Variants in ETFB observed in about 807,000 individuals in gnomAD.
ETFB encodes the protein beta-ETF.
Under a neutral mutation model 25.6 loss-of-function variants are expected in ETFB, and 20 were observed. That is an observed-to-expected ratio of 0.78 (90% CI 0.55 to 1.14). The LOEUF (loss-of-function observed/expected upper bound fraction) is 1.14, where lower values mean the gene tolerates loss of function less well. ETFB is among the 50% of genes most tolerant of loss of function. The pLI is 0.00. For missense variants in ETFB, 286 were observed against 342.6 expected (o/e 0.83, Z 1.30); for synonymous variants, 142 against 146.7 (o/e 0.97, Z 0.23).
chr19:51,357,797 G>A (rs1295456872), intron 1 of ETFB, among the ~76,000 whole-genome samples: 1 of 152,134 alleles, frequency 6.6e-6, no homozygotes, highest in Non-Finnish European at 1.5e-5. Context: ...GGCCCAACCT[G>A]AGTTTTTATA....
intron 4 of ETFB, among the ~76,000 whole-genome samples, chr19:51,349,199 TATG>T (rs1299050320): frequency 6.6e-6 from 1 of 152,242 alleles, no homozygotes; most frequent in East Asian, 1.9e-4. Flanking sequence ...TGGGCTCAGC[TATG>T]ATATTTGGTA....
intron 3 of ETFB, among the ~76,000 whole-genome samples, chr19:51,351,358 A>G (rs1382225094): frequency 6.6e-6 from 1 of 152,192 alleles, no homozygotes; most frequent in Middle Eastern, 3.2e-3. Context: ...CTCATATGTG[A>G]CCCTGGATCA....
At chr19:51,358,278 C>T (rs186321457) in intron 1 of ETFB, among the ~76,000 whole-genome samples, 32 of 152,260 alleles carry the variant, frequency 2.1e-4, no homozygotes, top group Admixed American at 2.0e-3. Flanking sequence ...GTAACTGTTC[C>T]TCCCACAGGC....
At position 51,354,249 on chromosome 19, in the gene ETFB, G is replaced by T; in HGVS notation, c.117C>A (p.Asn39Lys). Residue 39 changes from asparagine to lysine, a missense_variant, in exon 2 of 6, where the codon AAC becomes AAA. Transcript: ENST00000309244. ...VVTDGVKHSM[N>K]PFCEIAVEEA... is the part of the protein sequence containing the mutation. ...CCTCCACCGCGATCTCACAGAAGGG[G>T]TTCATGGAGTGCTTCACACCATCCG... 1 of 1,614,194 alleles carries T rather than the reference G, an allele frequency of 6.2e-7. No individual in the cohort carries two copies. The highest frequency in any genetic ancestry group is 1.1e-5 in the South Asian group (1 of 91,080).
intron 1 of ETFB, chr19:51,356,701 C>G (rs1169954290): frequency 6.6e-6 from 1 of 152,172 alleles, no homozygotes; most frequent in Non-Finnish European, 1.5e-5. Flanking sequence ...ATTAGTTTCT[C>G]TCGGCTGCCG....
intron 1 of ETFB, chr19:51,354,767 A>C (rs748272234): frequency 2.0e-5 from 21 of 1,047,286 alleles, no homozygotes; most frequent in Non-Finnish European, 2.7e-5. Context: ...CCTGCCTGAA[A>C]AATCACAGCT....
At chr19:51,350,432 A>G in intron 3 of ETFB, 41 bp from the exon 4 acceptor site, 1 of 1,063,150 alleles carries the variant, frequency 9.4e-7, no homozygotes, top group East Asian at 2.4e-5. Context: ...CAATCAGTGG[A>G]GCTCATGGAC....
intron 1 of ETFB, chr19:51,355,574 C>A (rs540305236): frequency 2.0e-4 from 30 of 152,268 alleles, no homozygotes; most frequent in Non-Finnish European, 4.1e-4. Context: ...CCATTTGACC[C>A]AGCCATCCTA....
intron 1 of ETFB, among the ~76,000 whole-genome samples, chr19:51,362,691 A>G (rs1568470682): frequency 6.6e-6 from 1 of 152,242 alleles, no homozygotes; most frequent in Non-Finnish European, 1.5e-5. Flanking sequence ...CAGAGTAGAA[A>G]AATGAGGCTT....
intron 1 of ETFB, among the ~76,000 whole-genome samples, chr19:51,362,148 C>T (rs981476243): frequency 2.3e-5 from 3 of 131,368 alleles, no homozygotes; most frequent in African/African-American, 5.6e-5. Context: ...AACATACACA[C>T]AGCCGGACAC....
chr19:51,364,824 G>A (rs1029600922), intron 1 of ETFB, among the ~76,000 whole-genome samples: 5 of 152,210 alleles, frequency 3.3e-5, no homozygotes, highest in Admixed American at 6.5e-5. Flanking sequence ...GGTTTCGATC[G>A]TAACTCTGCC....
At chr19:51,357,411 G>A (rs770319316) in intron 1 of ETFB, among the ~76,000 whole-genome samples, 5 of 124,968 alleles carry the variant, frequency 4.0e-5, no homozygotes, top group Admixed American at 7.9e-5. Flanking sequence ...CCCCTTCTCA[G>A]GTGCCAGGGA....
At chr19:51,357,758 G>A (rs1033989384) in intron 1 of ETFB, among the ~76,000 whole-genome samples, 64 of 151,916 alleles carry the variant, frequency 4.2e-4, no homozygotes, top group Non-Finnish European at 6.9e-4. Context: ...CTCAAAGGCA[G>A]GGGATTACAG....
rs199903123 is a variant in ETFB at position 51,357,486 on chromosome 19, C to CTTTTTTTTTTTTTTTTTTTTTTTT, written c.58-3179_58-3178insAAAAAAAAAAAAAAAAAAAAAAAA. ...GCCCACCACAATCCTTTTTTTCTTTCTTTCTTTTTTTTTTTTTTTTTGAGA... is the reference window on the plus strand; with the variant it reads ...GCCCACCACAATCCTTTTTTTCTTTCTTTTTTTTTTTTTTTTTTTTTTTTTTTCTTTTTTTTTTTTTTTTTGAGA... On this transcript the variant is annotated intron_variant, in intron 1 of 5. Coordinates refer to ENST00000309244, the MANE Select transcript of ETFB (RefSeq NM_001985.3). 4.0e-5 allele frequency among the ~76,000 whole-genome samples: 4 copies of CTTTTTTTTTTTTTTTTTTTTTTTT among 100,786 alleles called. 2 individuals are homozygous for CTTTTTTTTTTTTTTTTTTTTTTTT. The highest frequency in any genetic ancestry group is 8.1e-5 in the Non-Finnish European group (4 of 49,180). 66.1% of individuals were successfully genotyped at this position (100,786 alleles called of 152,430 possible).
intron 1 of ETFB, among the ~76,000 whole-genome samples, chr19:51,362,709 T>C (rs1986261899): frequency 6.6e-6 from 1 of 152,132 alleles, no homozygotes; most frequent in South Asian, 2.1e-4. Context: ...CTTAGAGTGG[T>C]GAAGCAATTT....
At chr19:51,347,081 G>A (rs781516814) in intron 4 of ETFB, 23 bp from the exon 5 acceptor site, 1 of 1,613,468 alleles carries the variant, frequency 6.2e-7, no homozygotes, top group South Asian at 1.1e-5. Context: ...AGTGTAGGAG[G>A]AGAGTGGGTG....
At chr19:51,349,029 C>G (rs1985866619) in intron 4 of ETFB, among the ~76,000 whole-genome samples, 1 of 152,210 alleles carries the variant, frequency 6.6e-6, no homozygotes, top group African/African-American at 2.4e-5. Context: ...AGAAACCATA[C>G]TGCCAGTGTC....
chr19:51,358,501 C>CAACAAA (rs1986136849), intron 1 of ETFB, among the ~76,000 whole-genome samples: 4 of 148,264 alleles, frequency 2.7e-5, no homozygotes, highest in South Asian at 2.1e-4. Flanking sequence ...CAAACAACAA[C>CAACAAA]AACAAAAACA....
chr19:51,356,325 C>T (rs986658904), intron 1 of ETFB: 6 of 152,142 alleles, frequency 3.9e-5, no homozygotes, highest in African/African-American at 1.4e-4. Context: ...TGACCTATTT[C>T]ACAAATGCCA....
Sources: allele counts gnomAD v4.1 joint callset (sites outside exome capture counted in the v4.1 genomes callset), GRCh38; gene constraint gnomAD v4.1.1; transcripts MANE v1.5; gene names NCBI Gene and HGNC (gene_info 2026-07-23, HGNC 2026-07-21).